SLC35B4: variants seen among roughly 807,000 people sequenced by gnomAD.
The protein encoded by SLC35B4 is solute carrier family 35 member B4.
In SLC35B4, 28 loss-of-function variants were observed where a neutral mutation model predicts 39.5. That is an observed-to-expected ratio of 0.71 (90% CI 0.53 to 0.97). The LOEUF (loss-of-function observed/expected upper bound fraction) is 0.97. Among genes scored for constraint, SLC35B4 ranks in the 50% least tolerant of loss-of-function variants. The pLI, the probability that SLC35B4 is intolerant of heterozygous loss-of-function variation, is 0.00. For synonymous variants in SLC35B4, 145 were observed against 150.4 expected (o/e 0.96, Z 0.26); for missense variants, 334 against 414.3 (o/e 0.81, Z 1.68).
chr7:134,306,822 G>A (rs1803720407), intron 2 of SLC35B4, 48 bp from the exon 3 acceptor site: 2 of 1,478,828 alleles, frequency 1.4e-6, no homozygotes, highest in Non-Finnish European at 9.3e-7. Context: ...AGGATTTCAA[G>A]AAAATCAAGT....
At chr7:134,298,696 G>A (rs1355563046) in intron 8 of SLC35B4, among the ~76,000 whole-genome samples, 1 of 152,102 alleles carries the variant, frequency 6.6e-6, no homozygotes, top group East Asian at 1.9e-4. Flanking sequence ...TTGGGGGATG[G>A]GGCAAATGGG....
At chr7:134,304,273 C>G (rs1803657728) in intron 4 of SLC35B4, among the ~76,000 whole-genome samples, 1 of 151,934 alleles carries the variant, frequency 6.6e-6, no homozygotes, top group Non-Finnish European at 1.5e-5. Context: ...TGCCTTTGGT[C>G]CCAGCTACTT....
rs148512902 is a variant in SLC35B4 at position 134,311,380 on chromosome 7, G to A, written c.78-1901C>T. On this transcript the variant is annotated intron_variant, in intron 1 of 9. Transcript: ENST00000378509. ...AACCTGTTTCCCAAATGGTCGGCACGGTGGCTGGCTCACACCTATAATCCC... is the reference window on the plus strand; with the variant it reads ...AACCTGTTTCCCAAATGGTCGGCACAGTGGCTGGCTCACACCTATAATCCC... Among the ~76,000 whole-genome samples, 159 of 152,254 alleles carry A rather than the reference G, an allele frequency of 1.0e-3. 5 individuals are homozygous for A. The East Asian group carries it at 0.027, about 26-fold the overall frequency.
At chr7:134,302,151 G>A (rs1803596962) in intron 4 of SLC35B4, 41 bp from the exon 5 acceptor site, 1 of 1,496,084 alleles carries the variant, frequency 6.7e-7, no homozygotes, top group Admixed American at 1.8e-5. Context: ...CCTTAGGAAA[G>A]CACAGATATG....
upstream of SLC35B4, among the ~76,000 whole-genome samples, chr7:134,317,333 T>C (rs1804012155): frequency 6.6e-6 from 1 of 152,188 alleles, no homozygotes; most frequent in African/African-American, 2.4e-5. Context: ...TTGGTGACTC[T>C]ATTATGCTGC....
In SLC35B4 at chr7:134,309,450, G is replaced by A. The variant is rs1422862795; in HGVS notation, c.107C>T (p.Thr36Ile). 4 of 1,610,980 alleles carry A rather than the reference G, an allele frequency of 2.5e-6. No homozygotes were observed. Among genetic ancestry groups the A allele is most frequent in the African/African-American group, 2.7e-5 (2 of 75,002 alleles). Residue 36 changes from threonine to isoleucine, a missense_variant, in exon 2 of 10, where the codon ACA becomes ATA. Coordinates refer to ENST00000378509, the MANE Select transcript of SLC35B4 (RefSeq NM_032826.5). Reference protein sequence around the residue: ...RKHPGCGNIVTFAQFLFIAVE... With the variant: ...RKHPGCGNIVIFAQFLFIAVE... ...AGCAATAAATAAAAATTGTGCAAAT[G>A]TCACAATGTTCCCACATCCTGGATG...
intron 8 of SLC35B4, among the ~76,000 whole-genome samples, chr7:134,298,206 C>CTTGGCATTT (rs1265884240): frequency 6.6e-6 from 1 of 152,148 alleles, no homozygotes; most frequent in Non-Finnish European, 1.5e-5. Flanking sequence ...TGCCAATAAT[C>CTTGGCATTT]TGGTATTCTA....
Position 134,293,547 on chromosome 7 carries a change from T to TATATATCTCC in SLC35B4, c.*1276_*1285dup, listed in dbSNP as rs1803382102. On this transcript the variant is annotated 3_prime_UTR_variant, in exon 10 of 10. Transcript: ENST00000378509. ...TTGACCTGATTTACACATCACACAC[T>TATATATCTCC]ATATATCTCCATCTATGCATTCCCT... 6.6e-6 allele frequency: 1 copy of TATATATCTCC among 152,172 alleles called. No individual in the cohort carries two copies. The allele number at this position is 152,172 out of a possible 1,614,324, so 9.4% of individuals were successfully genotyped here.
intron 2 of SLC35B4, 37 bp from the exon 3 acceptor site, chr7:134,306,811 T>C (rs1803720211): frequency 6.6e-7 from 1 of 1,524,360 alleles, no homozygotes; most frequent in Non-Finnish European, 9.0e-7. Flanking sequence ...AAACAGAATC[T>C]AGGATTTCAA....
At chr7:134,315,646 AAAAAAAC>A (rs1023221544) in intron 1 of SLC35B4, among the ~76,000 whole-genome samples, 7 of 151,344 alleles carry the variant, frequency 4.6e-5, no homozygotes, top group African/African-American at 1.2e-4. Context: ...CAAATCCAAA[AAAAAAAC>A]AAAAAACAAA....
chr7:134,320,237 C>G (rs1804070670), upstream of SLC35B4, among the ~76,000 whole-genome samples: 1 of 152,166 alleles, frequency 6.6e-6, no homozygotes, highest in African/African-American at 2.4e-5. Flanking sequence ...CAGATGTAGG[C>G]TGGGGTTGGA....
At chr7:134,309,274 T>C (rs1803779137) in intron 2 of SLC35B4, 92 bp downstream of exon 2, 1 of 634,518 alleles carries the variant, frequency 1.6e-6, no homozygotes, top group Non-Finnish European at 2.5e-6. Context: ...ATAAATCTTA[T>C]AAAAGAATGT....
chr7:134,318,513 T>C (rs866669700), upstream of SLC35B4, among the ~76,000 whole-genome samples: 1 of 152,030 alleles, frequency 6.6e-6, no homozygotes, highest in Non-Finnish European at 1.5e-5. Flanking sequence ...TATACAGGTA[T>C]ATAATAGTAC....
At chr7:134,319,553 C>T (rs1041376567), upstream of SLC35B4, among the ~76,000 whole-genome samples, 3 of 152,108 alleles carry the variant, frequency 2.0e-5, no homozygotes, top group Admixed American at 6.5e-5. Context: ...GTTCTCTTGG[C>T]GATTTCACCT....
Position 134,306,754 on chromosome 7 carries a change from G to T in SLC35B4, c.212C>A (p.Thr71Asn). The T allele has an allele frequency of 3.1e-6, 5 of 1,613,672 alleles. No individual in the cohort carries two copies. In the Middle Eastern group the frequency reaches 4.9e-4, roughly 160 times the overall value. The change falls in exon 3 of 10, where the codon ACC becomes AAC. Residue 71 changes from threonine (T) to asparagine (N), a missense_variant. Thr to Asn is a moderately conservative substitution (Grantham distance 65). Transcript: ENST00000378509. ...CACCACGCTCACGGTGAAGAACATGGTCACCATTATGGCATAGTACCTGAA... is the reference window on the plus strand; with the variant it reads ...CACCACGCTCACGGTGAAGAACATGTTCACCATTATGGCATAGTACCTGAA... ...IPIRYYAIMV[T>N]MFFTVSVVNN...
At chr7:134,304,202 A>AACATGGC (rs1458158084) in intron 4 of SLC35B4, among the ~76,000 whole-genome samples, 1 of 152,122 alleles carries the variant, frequency 6.6e-6, no homozygotes, top group Non-Finnish European at 1.5e-5. Flanking sequence ...CAGCGGGGAC[A>AACATGGC]ACATGGCGAA....
chr7:134,300,247 T>G lies in SLC35B4; in HGVS notation c.502A>C (p.Thr168Pro). The change falls in exon 7 of 10, where the codon ACT (threonine) becomes CCT (proline). Residue 168 changes from threonine to proline, a missense_variant. Coordinates refer to ENST00000378509, the MANE Select transcript of SLC35B4 (RefSeq NM_032826.5). ...VWWLLGIGAL[T>P]FALLMSARMG... ...CTTGCTGACATCAGAAGAGCAAAAG[T>G]CAATGCCCCAATACCTAAAAAACAA... 6.2e-7 allele frequency: 1 copy of G among 1,610,464 alleles called. No homozygotes were observed. The highest frequency in any genetic ancestry group is 8.5e-7 in the Non-Finnish European group (1 of 1,178,906).
chr7:134,300,127 T>C (rs1418406912), intron 7 of SLC35B4, 25 bp downstream of exon 7: 1 of 1,492,934 alleles, frequency 6.7e-7, no homozygotes, highest in Admixed American at 2.0e-5. Flanking sequence ...AATTTTCACG[T>C]TCCCAGGTTC....
intron 1 of SLC35B4, among the ~76,000 whole-genome samples, chr7:134,312,951 A>G (rs1159288555): frequency 1.3e-5 from 2 of 152,168 alleles, no homozygotes; most frequent in Admixed American, 6.5e-5. Flanking sequence ...CTCTATTCCC[A>G]TTTTGAGTCA....
Sources: allele counts gnomAD v4.1 joint callset (sites outside exome capture counted in the v4.1 genomes callset), GRCh38; gene constraint gnomAD v4.1.1; transcripts MANE v1.5; gene names NCBI Gene and HGNC (gene_info 2026-07-23, HGNC 2026-07-21).